AGBL1: variants seen among roughly 807,000 people sequenced by gnomAD.
The protein encoded by AGBL1 is cytosolic carboxypeptidase 4.
Under a neutral mutation model 118.9 loss-of-function variants are expected in AGBL1, and 130 were observed. The observed-to-expected ratio is 1.09, with a 90% CI of 0.95 to 1.26. The LOEUF (loss-of-function observed/expected upper bound fraction) is 1.26. Ranked by LOEUF, AGBL1 falls within the 50% of genes most tolerant of loss-of-function variation. AGBL1 has a pLI of 0.00. For missense variants in AGBL1, 1,584 were observed against 1,298.1 expected, an observed-to-expected ratio of 1.22 and a Z score of -3.38; for synonymous variants, 555 against 478.9, an observed-to-expected ratio of 1.16 and a Z score of -2.08.
intron 22 of AGBL1, among the ~76,000 whole-genome samples, chr15:86,684,267 C>T (rs1289545085): frequency 1.3e-5 from 2 of 152,082 alleles, no homozygotes; most frequent in Non-Finnish European, 2.9e-5. Flanking sequence ...TTTAAAGTTT[C>T]TGTGAACATT....
At chr15:86,638,110 G>T (rs1024479801) in intron 21 of AGBL1, among the ~76,000 whole-genome samples, 16 of 152,060 alleles carry the variant, frequency 1.1e-4, no homozygotes, top group Non-Finnish European at 2.1e-4. Context: ...ACAGGCTAGA[G>T]ACCCAGAACT....
chr15:86,729,710 A>T (rs867510401), intron 22 of AGBL1, among the ~76,000 whole-genome samples: 3 of 152,140 alleles, frequency 2.0e-5, no homozygotes, highest in African/African-American at 7.2e-5. Flanking sequence ...TATCTTTGCT[A>T]TTGTGAACAG....
At chr15:86,707,647 G>C (rs562270407) in intron 22 of AGBL1, among the ~76,000 whole-genome samples, 154 of 152,198 alleles carry the variant, frequency 1.0e-3, no homozygotes, top group African/African-American at 3.6e-3. Context: ...GAAAAGCAAA[G>C]CCTCATAAGT....
intron 17 of AGBL1, among the ~76,000 whole-genome samples, chr15:86,381,971 C>A (rs72756233): frequency 1.3e-5 from 2 of 152,204 alleles, no homozygotes; most frequent in East Asian, 1.9e-4. Context: ...ATGGAGAGGA[C>A]GGAAAATATC....
At chr15:86,136,791 C>T (rs1232234407) in intron 1 of AGBL1, among the ~76,000 whole-genome samples, 2 of 152,062 alleles carry the variant, frequency 1.3e-5, no homozygotes, top group Admixed American at 6.5e-5. Context: ...AGGAGGAAGG[C>T]AACAGGGACA....
intron 18 of AGBL1, among the ~76,000 whole-genome samples, chr15:86,517,062 A>T (rs540754334): frequency 1.3e-5 from 2 of 152,316 alleles, no homozygotes; most frequent in South Asian, 4.1e-4. Flanking sequence ...AAATTAAAAC[A>T]TGTAAGAGAC....
chr15:86,593,464 T>G (rs1356250972), intron 21 of AGBL1, among the ~76,000 whole-genome samples: 3 of 152,164 alleles, frequency 2.0e-5, no homozygotes, highest in Non-Finnish European at 2.9e-5. Flanking sequence ...CTAAAGAGTA[T>G]GTTCTAAGTT....
intron 6 of AGBL1, among the ~76,000 whole-genome samples, chr15:86,239,924 G>GTA (rs1184727219): frequency 6.6e-6 from 1 of 152,054 alleles, no homozygotes; most frequent in East Asian, 1.9e-4. Context: ...ATTCCCCAAG[G>GTA]TATATATATA....
chr15:86,271,617 A>G lies in AGBL1; in HGVS notation c.1988-2A>G. 2 of 1,606,434 alleles carry G rather than the reference A, an allele frequency of 1.2e-6. No homozygotes were observed. The highest frequency in any genetic ancestry group is 1.7e-6 in the Non-Finnish European group (2 of 1,173,082). On this transcript the variant is annotated splice_acceptor_variant, in intron 14 of 22. Coordinates refer to ENST00000614907, the MANE Select transcript of AGBL1 (RefSeq NM_001386094.1). LOFTEE classifies it high-confidence loss of function. ...GATTAATTCCTTTCTGATTTTGTGT[A>G]GGGATGCAGCCCACCCTATATTCTG...
intron 22 of AGBL1, among the ~76,000 whole-genome samples, chr15:86,723,572 G>C (rs2086769217): frequency 6.6e-6 from 1 of 152,012 alleles, no homozygotes; most frequent in Non-Finnish European, 1.5e-5. Flanking sequence ...GAGTTAATGG[G>C]TGCAGCACAC....
At chr15:86,714,655 A>C (rs1015314094) in intron 22 of AGBL1, among the ~76,000 whole-genome samples, 4 of 152,220 alleles carry the variant, frequency 2.6e-5, no homozygotes, top group African/African-American at 9.6e-5. Flanking sequence ...CTTTCCTGAC[A>C]AAGTCCTCTA....
chr15:86,202,515 GT>G lies in AGBL1; in HGVS notation c.489-22398del, dbSNP rs546316681. Among the ~76,000 whole-genome samples the G allele has an allele frequency of 2.1e-3, 324 of 152,236 alleles. 1 individual carries two copies. Among genetic ancestry groups the G allele is most frequent in the African/African-American group, 7.7e-3 (318 of 41,556 alleles). On this transcript the variant is annotated intron_variant, in intron 5 of 22. Coordinates refer to ENST00000614907, the MANE Select transcript of AGBL1 (RefSeq NM_001386094.1). ...AAAATGAGACAGCCTCAGATTTGTTGTAAAAACAATTGAAATGAGTGAATAA... is the reference window on the plus strand; with the variant it reads ...AAAATGAGACAGCCTCAGATTTGTTGAAAAACAATTGAAATGAGTGAATAA...
At chr15:86,857,453 C>T (rs1196051928) in intron 22 of AGBL1, among the ~76,000 whole-genome samples, 1 of 152,162 alleles carries the variant, frequency 6.6e-6, no homozygotes. Flanking sequence ...CATCTGTTTT[C>T]ACATGGTCTC....
At chr15:86,756,075 T>G in intron 22 of AGBL1, among the ~76,000 whole-genome samples, 1 of 152,132 alleles carries the variant, frequency 6.6e-6, no homozygotes, top group East Asian at 1.9e-4. Flanking sequence ...CCAAGGGGCA[T>G]GCAGAAATAT....
At chr15:86,180,138 C>T (rs75834692) in intron 5 of AGBL1, among the ~76,000 whole-genome samples, 9,157 of 151,958 alleles carry the variant, frequency 0.06, 906 homozygotes, top group African/African-American at 0.21. Context: ...TCTATAGATT[C>T]GTTGCACTCC....
chr15:86,938,309 G>A (rs954614224), intron 23 of AGBL1, among the ~76,000 whole-genome samples: 14 of 152,138 alleles, frequency 9.2e-5, no homozygotes, highest in Admixed American at 4.6e-4. Context: ...CATCTTGCAC[G>A]GGACACAGAT....
chr15:86,248,330 C>T (rs954105329), intron 7 of AGBL1, among the ~76,000 whole-genome samples: 5 of 152,092 alleles, frequency 3.3e-5, no homozygotes, highest in African/African-American at 7.2e-5. Flanking sequence ...ACAACAGCAA[C>T]GGCAACAATA....
In AGBL1 at chr15:86,469,968, A is replaced by T. The variant is rs114933936; in HGVS notation, c.2556-52842A>T. Among the ~76,000 whole-genome samples, 1,467 of 152,130 alleles carry T rather than the reference A, an allele frequency of 9.6e-3. 24 individuals are homozygous for T. Among genetic ancestry groups the T allele is most frequent in the African/African-American group, 0.032 (1,328 of 41,528 alleles). ...GGTTTGAATTCCTTATATATTTTGGATGTTAGCCCCTTACAGATGTATGGT... is the reference window on the plus strand; with the variant it reads ...GGTTTGAATTCCTTATATATTTTGGTTGTTAGCCCCTTACAGATGTATGGT... On this transcript the variant is annotated intron_variant, in intron 18 of 22. Transcript: ENST00000614907.
chr15:86,629,575 C>T (rs2084935201), intron 21 of AGBL1, among the ~76,000 whole-genome samples: 1 of 152,176 alleles, frequency 6.6e-6, no homozygotes, highest in Non-Finnish European at 1.5e-5. Context: ...ATGTAATTTG[C>T]TTCCAATAAA....
Sources: allele counts gnomAD v4.1 joint callset (sites outside exome capture counted in the v4.1 genomes callset), GRCh38; gene constraint gnomAD v4.1.1; transcripts MANE v1.5; gene names NCBI Gene and HGNC (gene_info 2026-07-23, HGNC 2026-07-21).